The following MYO9B variants were observed in gnomAD, a reference collection of about 807,000 sequenced individuals.
MYO9B encodes the protein myosin IXB, also known as unconventional myosin-IXb.
MYO9B carries 71 observed loss-of-function variants against 229.5 expected under a neutral mutation model. The ratio of observed to expected loss-of-function variants is 0.31; its 90% CI spans 0.26 to 0.38. MYO9B has a LOEUF of 0.38. Ranked by LOEUF, MYO9B falls within the 10% of genes least tolerant of loss-of-function variation. The pLI is 1.00. For missense variants in MYO9B, 2,255 were observed against 2,920.5 expected, an observed-to-expected ratio of 0.77 and a Z score of 5.25; for synonymous variants, 1,185 against 1,235.8, an observed-to-expected ratio of 0.96 and a Z score of 0.86.
Position 17,206,042 on chromosome 19 carries a change from T to C in MYO9B, c.5147T>C (p.Leu1716Pro). The change falls in exon 32 of 40, where the codon CTG (leucine) becomes CCG (proline). Residue 1716 changes from leucine to proline, a missense_variant. Leu to Pro is a moderately conservative substitution (Grantham distance 98). Transcript: ENST00000682292. ...GACAAGGCCTCGGTGCCCATCGTGC[T>C]GGAGAAGCTCCTGGAACACGTGGAG... The part of the protein sequence containing the change: ...TSDKASVPIV[L>P]EKLLEHVEMH... The C allele has an allele frequency of 9.9e-6, 16 of 1,610,380 alleles. No homozygotes were observed. The highest frequency in any genetic ancestry group is 1.4e-5 in the Non-Finnish European group (16 of 1,177,776).
Position 17,102,389 on chromosome 19 carries a change from C to T in MYO9B, c.672C>T (p.Tyr224=). The T allele has an allele frequency of 6.2e-7, 1 of 1,614,050 alleles. No individual in the cohort carries two copies. Among genetic ancestry groups the T allele is most frequent in the Non-Finnish European group, 8.5e-7 (1 of 1,179,908 alleles). The part of the protein sequence containing the change: ...HVFALADVAY[Y]TMLRKRVNQC... ...TCGCGCTGGCCGACGTGGCCTACTA[C>T]ACCATGCTCAGGAAGCGCGTGAACC... Residue 224 remains tyrosine (Y), a synonymous_variant, in exon 2 of 40, where the codon TAC becomes TAT. Transcript: ENST00000682292.
In MYO9B at chr19:17,205,285, G is replaced by C; in HGVS notation, c.5013G>C (p.Lys1671Asn). ...LCSVCKMTCH[K>N]KCVHKIQSHC... ...TAGTGTGCAAGATGACCTGCCACAAGAAGTGCGTGCACAAGATTCAGAGCC... is the reference window on the plus strand; with the variant it reads ...TAGTGTGCAAGATGACCTGCCACAACAAGTGCGTGCACAAGATTCAGAGCC... The change falls in exon 31 of 40, where the codon AAG (lysine) becomes AAC (asparagine). Residue 1671 changes from lysine to asparagine, a missense_variant. Around this residue, in one of 7 missense-constraint regions of MYO9B, gnomAD observed 416 missense variants for 605.5 expected, o/e 0.69. Coordinates refer to ENST00000682292, the MANE Select transcript of MYO9B (RefSeq NM_004145.4). 6.2e-7 allele frequency: 1 copy of C among 1,613,790 alleles called. No individual in the cohort carries two copies. The highest frequency in any genetic ancestry group is 8.5e-7 in the Non-Finnish European group (1 of 1,179,836).
At chr19:17,185,022 A>C in intron 17 of MYO9B, 35 bp downstream of exon 17, 1 of 1,613,312 alleles carries the variant, frequency 6.2e-7, no homozygotes, top group Non-Finnish European at 8.5e-7. Context: ...GGTGGCGGTC[A>C]GCTCAGCCTC....
rs2073114655 is a variant in MYO9B, at chr19:17,202,266, C to T, written c.4799C>T (p.Thr1600Ile). 1.3e-6 allele frequency: 2 copies of T among 1,586,908 alleles called. No homozygotes were observed. The highest frequency in any genetic ancestry group is 1.1e-5 in the South Asian group (1 of 87,740). Residue 1600 changes from threonine (T) to isoleucine (I), a missense_variant, in exon 28 of 40, where the codon ACC becomes ATC. Around this residue, in one of 7 missense-constraint regions of MYO9B, gnomAD observed 416 missense variants for 605.5 expected, o/e 0.69. Transcript: ENST00000682292. ...TTCCAGTCACTGCTAGATGAGTTCA[C>T]CCGTGGCTACACCAAGAACGACTTC... ...NLFQSLLDEF[T>I]RGYTKNDFEP... is the part of the protein sequence containing the mutation.
At chr19:17,205,888 C>G (rs12327728) in intron 31 of MYO9B, 72 bp from the exon 32 acceptor site, 802,517 of 1,427,624 alleles carry the variant, frequency 0.56, 231,249 homozygotes, top group Non-Finnish European at 0.6. Flanking sequence ...GACCAGGAGG[C>G]AGAGGCCCCC....
At chr19:17,106,540 C>T (rs762103993) in intron 2 of MYO9B, among the ~76,000 whole-genome samples, 1 of 152,244 alleles carries the variant, frequency 6.6e-6, no homozygotes, top group African/African-American at 2.4e-5. Flanking sequence ...CCAGTGGCCC[C>T]AGTGTCCTCC....
chr19:17,167,252 C>G (rs1052609744), intron 10 of MYO9B, among the ~76,000 whole-genome samples: 3 of 147,052 alleles, frequency 2.0e-5, no homozygotes, highest in Non-Finnish European at 3.0e-5. Context: ...GGGCTGGTCT[C>G]AAACTCCTGG....
At chr19:17,164,785 A>C (rs757530125) in intron 10 of MYO9B, among the ~76,000 whole-genome samples, 4 of 152,214 alleles carry the variant, frequency 2.6e-5, no homozygotes, top group Admixed American at 1.3e-4. Context: ...GCTTATGTAA[A>C]TATCCAGCTG....
intron 9 of MYO9B, 142 bp downstream of exon 9, chr19:17,162,608 G>C: frequency 2.7e-6 from 2 of 741,290 alleles, no homozygotes; most frequent in Admixed American, 5.0e-5. Flanking sequence ...ACAGGCCCAG[G>C]AAACAGGACA....
rs368461719 is a variant in MYO9B at position 17,194,648 on chromosome 19, A to G, written c.3221A>G (p.Gln1074Arg). ...AGAGCAGGTGCTGAGGAGGGCGGAC[A>G]GGGTCAGGCGGCTGGAGGGCAGCAG... The part of the protein sequence containing the change: ...AARAGAEEGG[Q>R]GQAAGGQQVA... Residue 1074 changes from glutamine (Q) to arginine (R), a missense_variant, in exon 22 of 40, where the codon CAG (glutamine) becomes CGG (arginine). Around this residue, in one of 7 missense-constraint regions of MYO9B, gnomAD observed 679 missense variants for 770.2 expected, o/e 0.88. Transcript: ENST00000682292. 3.1e-6 allele frequency: 5 copies of G among 1,612,718 alleles called. No individual in the cohort carries two copies. Among genetic ancestry groups the G allele is most frequent in the Middle Eastern group, 1.7e-4 (1 of 6,046 alleles).
rs186595509 is a variant in MYO9B, at chr19:17,076,099, G to T, written c.-59+225G>T. The stretch of plus-strand genomic sequence containing the variant: ...GGAGCTGGTGAGGGAGTTCGAGGGC[G>T]TGGGGGGGGTGAGTCTTGTGGCTTT... On this transcript the variant is annotated intron_variant, in intron 1 of 39. Transcript: ENST00000682292. Among the ~76,000 whole-genome samples the T allele has an allele frequency of 4.0e-3, 532 of 131,752 alleles. 3 individuals are homozygous for T. The highest frequency in any genetic ancestry group is 0.015 in the African/African-American group (498 of 33,842). The allele number at this position is 131,752 out of a possible 152,430, so 86.4% of individuals were successfully genotyped here. A position where few individuals can be genotyped will look rare whatever the true frequency, so the allele number is the denominator to read the frequency against.
At chr19:17,137,096 C>T (rs868566398) in intron 2 of MYO9B, among the ~76,000 whole-genome samples, 8 of 151,924 alleles carry the variant, frequency 5.3e-5, no homozygotes, top group African/African-American at 9.7e-5. Context: ...GGGGTGATGG[C>T]GCGTGCCTAT....
chr19:17,163,699 T>C (rs1033252431), intron 10 of MYO9B, among the ~76,000 whole-genome samples: 8 of 152,212 alleles, frequency 5.3e-5, no homozygotes, highest in Non-Finnish European at 7.3e-5. Context: ...CATTTTTGAC[T>C]AAGTGCCTCA....
intron 1 of MYO9B, among the ~76,000 whole-genome samples, chr19:17,086,285 G>A (rs2057582425): frequency 6.6e-6 from 1 of 152,116 alleles, no homozygotes; most frequent in African/African-American, 2.4e-5. Context: ...CGGCCACACT[G>A]GGCTCCTTGT....
At chr19:17,107,909 CG>C (rs1016710976) in intron 2 of MYO9B, among the ~76,000 whole-genome samples, 9 of 151,942 alleles carry the variant, frequency 5.9e-5, no homozygotes, top group Non-Finnish European at 1.0e-4. Context: ...ATTTTGGGGG[CG>C]GGGGGCTCAA....
chr19:17,205,893 G>T (rs1167510214), intron 31 of MYO9B, 67 bp from the exon 32 acceptor site: 10 of 1,449,852 alleles, frequency 6.9e-6, no homozygotes, highest in Non-Finnish European at 9.2e-6. Context: ...GGAGGCAGAG[G>T]CCCCCAGAGA....
intron 35 of MYO9B, among the ~76,000 whole-genome samples, chr19:17,208,433 C>CA (rs963228945): frequency 6.8e-6 from 1 of 146,104 alleles, no homozygotes; most frequent in East Asian, 2.1e-4. Flanking sequence ...TAAAACAGAA[C>CA]TTTTTTTTTT....
At chr19:17,170,694 T>A (rs2072714855) in intron 11 of MYO9B, among the ~76,000 whole-genome samples, 1 of 141,950 alleles carries the variant, frequency 7.0e-6, no homozygotes, top group Admixed American at 7.1e-5. Context: ...CACAGTGGCA[T>A]GCACCTATAG....
intron 1 of MYO9B, among the ~76,000 whole-genome samples, chr19:17,082,676 G>C (rs2057544086): frequency 6.6e-6 from 1 of 152,184 alleles, no homozygotes; most frequent in Admixed American, 6.5e-5. Context: ...TGGGGTCCTT[G>C]TCTTGTCACG....
Sources: gnomAD v4.1 joint callset for allele counts (sites outside exome capture counted in the v4.1 genomes callset) on GRCh38, gnomAD v4.1.1 for gene constraint, gnomAD v4.1.1 regional missense constraint, MANE v1.5 for transcripts, NCBI Gene and HGNC (gene_info 2026-07-23, HGNC 2026-07-21) for gene names.